PIK3C3: variants seen among roughly 807,000 people sequenced by gnomAD.
PIK3C3 encodes the protein phosphatidylinositol 3-kinase catalytic subunit type 3.
Under a neutral mutation model 126.1 loss-of-function variants are expected in PIK3C3, and 95 were observed. The observed-to-expected ratio is 0.75, with a 90% confidence interval of 0.64 to 0.89. PIK3C3 has a LOEUF of 0.89. Among genes scored for constraint, PIK3C3 ranks in the 40% least tolerant of loss-of-function variants. PIK3C3 has a pLI of 0.00. For synonymous variants in PIK3C3, 374 were observed against 360.0 expected (o/e 1.04, Z -0.44); for missense variants, 829 against 1,063.2 (o/e 0.78, Z 3.06).
At chr18:42,044,089 T>C (rs189804092) in intron 20 of PIK3C3, among the ~76,000 whole-genome samples, 66 of 152,334 alleles carry the variant, frequency 4.3e-4, no homozygotes, top group African/African-American at 1.5e-3. Flanking sequence ...CTGTTAATTT[T>C]CCATTAGATT....
rs1187635084 is a variant in PIK3C3 at position 42,086,192 on chromosome 18, C to T, written c.*5055C>T. 1 of 152,180 alleles carries T rather than the reference C, an allele frequency of 6.6e-6. No individual in the cohort carries two copies. The highest frequency in any genetic ancestry group is 1.5e-5 in the Non-Finnish European group (1 of 68,030). The allele number at this position is 152,180 out of a possible 1,614,324, so 9.4% of individuals were successfully genotyped here. ...TTAGATTGTCACCAGCACTATCTGC[C>T]TTGTGACTGTCAGGACTAATCCTTA... is the stretch of plus-strand genomic sequence containing the variant. On this transcript the variant is annotated 3_prime_UTR_variant, in exon 25 of 25. Transcript: ENST00000262039.
chr18:42,007,080 G>A (rs1391746838), intron 10 of PIK3C3, among the ~76,000 whole-genome samples: 1 of 152,072 alleles, frequency 6.6e-6, no homozygotes, highest in Non-Finnish European at 1.5e-5. Flanking sequence ...GTGTTAGCCA[G>A]GATGGTCTTG....
At chr18:42,054,542 A>G (rs1400419284) in intron 21 of PIK3C3, among the ~76,000 whole-genome samples, 2 of 152,012 alleles carry the variant, frequency 1.3e-5, no homozygotes, top group East Asian at 1.9e-4. Context: ...GTATCCTTCA[A>G]TCCAGTCAAG....
intron 9 of PIK3C3, among the ~76,000 whole-genome samples, chr18:41,996,998 G>A (rs1230951543): frequency 6.6e-6 from 1 of 152,076 alleles, no homozygotes; most frequent in African/African-American, 2.4e-5. Context: ...TTTTACGTTT[G>A]TTTGGTAGGA....
At position 42,068,750 on chromosome 18, in the gene PIK3C3, AC is replaced by A. The variant is rs1473645509; in HGVS notation, c.2649+1239del. Among the ~76,000 whole-genome samples the A allele has an allele frequency of 5.3e-5, 8 of 152,188 alleles. No homozygotes were observed. The South Asian group carries it at 1.4e-3, about 28-fold the overall frequency. On this transcript the variant is annotated intron_variant, in intron 24 of 24. Transcript: ENST00000262039. ...TGTATCACGAGATCAGGAGATCGAGACCATCCTGACTAACACAGTGAAACCC... is the reference window on the plus strand; with the variant it reads ...TGTATCACGAGATCAGGAGATCGAGACATCCTGACTAACACAGTGAAACCC...
intron 21 of PIK3C3, 134 bp downstream of exon 21, chr18:42,049,739 C>A: frequency 1.6e-6 from 1 of 627,404 alleles, no homozygotes; most frequent in African/African-American, 1.8e-5. Context: ...TTTGGGAGGC[C>A]AAGGCGGGTG....
At chr18:42,005,351 CAG>C (rs1397365199) in intron 10 of PIK3C3, among the ~76,000 whole-genome samples, 4 of 152,146 alleles carry the variant, frequency 2.6e-5, no homozygotes, top group Non-Finnish European at 5.9e-5. Context: ...ACAGTAAAAA[CAG>C]AGTATTATAA....
chr18:41,979,483 TC>T (rs1223787899), intron 4 of PIK3C3, among the ~76,000 whole-genome samples: 4 of 152,216 alleles, frequency 2.6e-5, no homozygotes, highest in African/African-American at 9.6e-5. Flanking sequence ...ATAGTGGACA[TC>T]AGTTCTTATT....
In PIK3C3 at chr18:41,990,445, A is replaced by ATT. The variant is rs750074973; in HGVS notation, c.619-5_619-4dup. ...AAAATAATCATTTTTCATGAAAATC[A>ATT]TTTTTTTTTTCAGAGTGAAAAACGA... is the stretch of plus-strand genomic sequence containing the variant. On this transcript the variant is annotated splice_polypyrimidine_tract_variant and intron_variant, in intron 5 of 24. Transcript: ENST00000262039. 2.9e-5 allele frequency: 38 copies of ATT among 1,323,244 alleles called. No homozygotes were observed. The highest frequency in any genetic ancestry group is 4.4e-5 in the African/African-American group (3 of 67,980). The allele number at this position is 1,323,244 out of a possible 1,614,324, so 82.0% of individuals were successfully genotyped here.
chr18:42,078,119 T>G (rs1986097761), intron 24 of PIK3C3, among the ~76,000 whole-genome samples: 1 of 152,084 alleles, frequency 6.6e-6, no homozygotes, highest in East Asian at 1.9e-4. Flanking sequence ...GGCTCACGCC[T>G]GTAATCCCAG....
At chr18:42,021,461 A>G (rs1412663379) in intron 13 of PIK3C3, among the ~76,000 whole-genome samples, 1 of 152,198 alleles carries the variant, frequency 6.6e-6, no homozygotes, top group Non-Finnish European at 1.5e-5. Flanking sequence ...AAGTACTGGG[A>G]TTAAACACTA....
rs192828545 is a variant in PIK3C3, at chr18:42,084,311, A to G, written c.*3174A>G. The G allele has an allele frequency of 4.1e-4, 63 of 152,304 alleles. No homozygotes were observed. Among genetic ancestry groups the G allele is most frequent in the African/African-American group, 1.3e-3 (54 of 41,574 alleles). The allele number at this position is 152,304 out of a possible 1,614,324, so 9.4% of individuals were successfully genotyped here. A position where few individuals can be genotyped will look rare whatever the true frequency, so the allele number is the denominator to read the frequency against. On this transcript the variant is annotated 3_prime_UTR_variant, in exon 25 of 25. Transcript: ENST00000262039. ...ATTTTAGAGAGATCACACAACTTCA[A>G]ATAAAAACTGACATAGATTGAACAC... is the stretch of plus-strand genomic sequence containing the variant.
chr18:42,038,109 T>G (rs1034106441), intron 17 of PIK3C3, among the ~76,000 whole-genome samples: 1 of 152,156 alleles, frequency 6.6e-6, no homozygotes, highest in Non-Finnish European at 1.5e-5. Context: ...CTATTAAATT[T>G]TTTTTAAATC....
In PIK3C3 at chr18:42,082,013, G is replaced by A. The variant is rs1986268452; in HGVS notation, c.*876G>A. The stretch of plus-strand genomic sequence containing the variant: ...AAAGCTCTTTGAAATAGCTCACCTA[G>A]ACCTGTTAATGTAATATATTCTTTC... On this transcript the variant is annotated 3_prime_UTR_variant, in exon 25 of 25. Coordinates refer to ENST00000262039, the MANE Select transcript of PIK3C3 (RefSeq NM_002647.4). The A allele has an allele frequency of 6.6e-6, 1 of 151,618 alleles. No individual in the cohort carries two copies. Among genetic ancestry groups the A allele is most frequent in the East Asian group, 1.9e-4 (1 of 5,158 alleles). 9.4% of individuals were successfully genotyped at this position (151,618 alleles called of 1,614,324 possible).
intron 7 of PIK3C3, among the ~76,000 whole-genome samples, 177 bp downstream of exon 7, chr18:41,993,518 A>G (rs1297573058): frequency 6.6e-6 from 1 of 152,156 alleles, no homozygotes; most frequent in Non-Finnish European, 1.5e-5. Context: ...TATGAGGAAT[A>G]TTAACATCTT....
At chr18:42,000,706 C>G (rs1392930747) in intron 9 of PIK3C3, among the ~76,000 whole-genome samples, 1 of 152,070 alleles carries the variant, frequency 6.6e-6, no homozygotes, top group Non-Finnish European at 1.5e-5. Context: ...TGATGGAAGG[C>G]AAGGAGGAGC....
intron 9 of PIK3C3, 99 bp from the exon 10 acceptor site, chr18:42,004,257 C>T (rs749953087): frequency 1.7e-4 from 139 of 826,140 alleles, no homozygotes; most frequent in Non-Finnish European, 2.5e-4. Context: ...TCACTGACTC[C>T]GTGGCTCTGT....
intron 6 of PIK3C3, 67 bp downstream of exon 6, chr18:41,990,621 T>G (rs1407553163): frequency 4.3e-5 from 36 of 828,806 alleles, no homozygotes; most frequent in Non-Finnish European, 6.8e-5. Context: ...AAAAATATTG[T>G]TGTTCCTGCT....
chr18:41,967,120 T>C (rs536358225), intron 3 of PIK3C3, among the ~76,000 whole-genome samples: 2 of 152,310 alleles, frequency 1.3e-5, no homozygotes, highest in African/African-American at 4.8e-5. Context: ...AGGCATTTCC[T>C]AGTCCTAAGC....
Sources: allele counts gnomAD v4.1 joint callset (sites outside exome capture counted in the v4.1 genomes callset), GRCh38; gene constraint gnomAD v4.1.1; transcripts MANE v1.5; gene names NCBI Gene and HGNC (gene_info 2026-07-23, HGNC 2026-07-21).